The following ATP8A2 variants were observed in gnomAD, a reference collection of about 807,000 sequenced individuals.
ATP8A2 encodes the protein phospholipid-transporting ATPase IB.
ATP8A2 carries 100 observed loss-of-function variants against 165.6 expected under a neutral mutation model. The ratio of observed to expected loss-of-function variants is 0.60; its 90% CI spans 0.51 to 0.71. The LOEUF is 0.71. Among genes scored for constraint, ATP8A2 ranks in the 30% least tolerant of loss-of-function variants. The probability of loss-of-function intolerance (pLI) is 0.00; values close to 1 mark genes in which losing one functional copy is unlikely to be tolerated. For synonymous variants in ATP8A2, 543 were observed against 548.8 expected (o/e 0.99, Z 0.15); for missense variants, 1,227 against 1,479.5 (o/e 0.83, Z 2.80).
intron 25 of ATP8A2, among the ~76,000 whole-genome samples, chr13:25,728,933 C>A (rs1253053325): frequency 6.6e-6 from 1 of 152,140 alleles, no homozygotes; most frequent in Non-Finnish European, 1.5e-5. Flanking sequence ...ACTCTGAAAA[C>A]CCTGTTTTTC....
At chr13:25,430,648 A>G (rs1035052365) in intron 1 of ATP8A2, among the ~76,000 whole-genome samples, 2 of 152,032 alleles carry the variant, frequency 1.3e-5, no homozygotes, top group African/African-American at 2.4e-5. Context: ...TGTTGCCCAG[A>G]CTGAAGTGGC....
intron 25 of ATP8A2, among the ~76,000 whole-genome samples, chr13:25,722,819 G>A (rs77762690): frequency 1.3e-5 from 2 of 152,128 alleles, no homozygotes; most frequent in African/African-American, 4.8e-5. Context: ...ATCCCACAAA[G>A]GTAACTAATT....
chr13:25,444,837 G>C (rs2138211745), intron 1 of ATP8A2, among the ~76,000 whole-genome samples: 1 of 152,030 alleles, frequency 6.6e-6, no homozygotes, highest in Admixed American at 6.6e-5. Context: ...GTTAAGATGG[G>C]GTTTCACCAT....
intron 1 of ATP8A2, among the ~76,000 whole-genome samples, chr13:25,397,249 A>G (rs2033459768): frequency 6.6e-6 from 1 of 152,228 alleles, no homozygotes. Context: ...GTTGTCCTAT[A>G]GCACCTTAGA....
At chr13:25,961,687 A>AC (rs1333594993) in intron 34 of ATP8A2, 24 bp downstream of exon 34, 12 of 1,561,428 alleles carry the variant, frequency 7.7e-6, no homozygotes, top group Non-Finnish European at 1.1e-5. Flanking sequence ...TGAAGCGGGG[A>AC]CCCTAAGTCT....
chr13:25,390,390 G>A (rs188788026), intron 1 of ATP8A2, among the ~76,000 whole-genome samples: 10 of 152,156 alleles, frequency 6.6e-5, no homozygotes, highest in Non-Finnish European at 8.8e-5. Context: ...TAGTGTATGG[G>A]TGTATAATGT....
chr13:25,874,279 G>A (rs1420582271), intron 33 of ATP8A2, among the ~76,000 whole-genome samples: 8 of 152,154 alleles, frequency 5.3e-5, no homozygotes, highest in Non-Finnish European at 8.8e-5. Flanking sequence ...CCTACAGGGC[G>A]TTTGTGCCTG....
At chr13:25,972,348 T>TA (rs1025255771) in intron 35 of ATP8A2, among the ~76,000 whole-genome samples, 12 of 152,234 alleles carry the variant, frequency 7.9e-5, no homozygotes, top group African/African-American at 2.9e-4. Context: ...GTGGAATTGA[T>TA]ACTTTAATAA....
chr13:25,531,345 G>GATATATATATGTTATATATGAT (rs71186891), intron 4 of ATP8A2, among the ~76,000 whole-genome samples: 1 of 122,512 alleles, frequency 8.2e-6, no homozygotes. Flanking sequence ...TGTTATATAT[G>GATATATATATGTTATATATGAT]ATATATATGT....
intron 24 of ATP8A2, among the ~76,000 whole-genome samples, chr13:25,624,227 C>T (rs559559917): frequency 6.6e-6 from 1 of 152,258 alleles, no homozygotes; most frequent in East Asian, 1.9e-4. Flanking sequence ...TCTTTCCTTG[C>T]TGGTCTTACA....
chr13:25,802,827 C>G (rs535381388), intron 27 of ATP8A2, among the ~76,000 whole-genome samples: 47 of 152,232 alleles, frequency 3.1e-4, no homozygotes, highest in African/African-American at 1.1e-3. Flanking sequence ...TACTGCCTCA[C>G]TAGAGGTGCA....
At position 25,666,371 on chromosome 13, in the gene ATP8A2, G is replaced by A. The variant is rs191623920; in HGVS notation, c.2212-32802G>A. The stretch of plus-strand genomic sequence containing the variant: ...ACTACAGGCACCTGCCACAATGCCC[G>A]GCTAATTTTTTGTGTGTGTGTGTGT... On this transcript the variant is annotated intron_variant, in intron 24 of 36. Transcript: ENST00000381655. 2.6e-3 allele frequency among the ~76,000 whole-genome samples: 386 copies of A among 149,040 alleles called. 1 individual carries two copies. The highest frequency in any genetic ancestry group is 1.1e-3 in the Non-Finnish European group (78 of 67,928).
At chr13:26,017,390 G>A (rs1957002210) in intron 36 of ATP8A2, among the ~76,000 whole-genome samples, 1 of 152,218 alleles carries the variant, frequency 6.6e-6, no homozygotes, top group Non-Finnish European at 1.5e-5. Flanking sequence ...AGCAGACGAA[G>A]CAGTGTTATT....
chr13:25,789,845 G>T (rs949396075), intron 27 of ATP8A2, among the ~76,000 whole-genome samples: 1 of 152,204 alleles, frequency 6.6e-6, no homozygotes, highest in Non-Finnish European at 1.5e-5. Flanking sequence ...CAGGGCTACA[G>T]TAACCCAAAC....
Position 25,551,463 on chromosome 13 carries a change from C to G in ATP8A2, c.1017C>G (p.Asn339Lys). 6.2e-7 allele frequency: 1 copy of G among 1,613,696 alleles called. No individual in the cohort carries two copies. The highest frequency in any genetic ancestry group is 1.7e-5 in the Admixed American group (1 of 60,016). Reference sequence around the variant, plus strand: ...GCTCGGCGGGGGCCCTGTACTGGAACAGGTCTCATGGTGAAAAGAACTGGT... The same window carrying G: ...GCTCGGCGGGGGCCCTGTACTGGAAGAGGTCTCATGGTGAAAAGAACTGGT... ...LVSSAGALYWNRSHGEKNWYI... is the reference protein window; with the variant it reads ...LVSSAGALYWKRSHGEKNWYI... Residue 339 changes from asparagine to lysine, a missense_variant, in exon 11 of 37, where the codon AAC (asparagine) becomes AAG (lysine). Physicochemically the swap from Asn to Lys is moderately conservative, Grantham distance 94. Around this residue, in one of 5 missense-constraint regions of ATP8A2, gnomAD observed 592 missense variants for 785.6 expected, o/e 0.75. Transcript: ENST00000381655.
In ATP8A2 at chr13:25,857,570, CTT is replaced by C. The variant is rs71080207; in HGVS notation, c.2957-2605_2957-2604del. 5.1e-3 allele frequency among the ~76,000 whole-genome samples: 471 copies of C among 91,556 alleles called. 3 individuals are homozygous for C. Among genetic ancestry groups the C allele is most frequent in the African/African-American group, 0.017 (383 of 22,724 alleles). The allele number at this position is 91,556 out of a possible 152,430, so 60.1% of individuals were successfully genotyped here. A position where few individuals can be genotyped will look rare whatever the true frequency, so the allele number is the denominator to read the frequency against. On this transcript the variant is annotated intron_variant, in intron 30 of 36. Coordinates refer to ENST00000381655, the MANE Select transcript of ATP8A2 (RefSeq NM_016529.6). ...TGTTTCTTTTCTTTTCTTTTTTTTCCTTTTTTTTTTTTTTTTTTTTTGAGGCA... is the reference window on the plus strand; with the variant it reads ...TGTTTCTTTTCTTTTCTTTTTTTTCCTTTTTTTTTTTTTTTTTTTGAGGCA...
chr13:25,415,218 T>C (rs1244061485), intron 1 of ATP8A2, among the ~76,000 whole-genome samples: 1 of 152,234 alleles, frequency 6.6e-6, no homozygotes, highest in East Asian at 1.9e-4. Flanking sequence ...ACAGTTAGCA[T>C]ATCCTCCTCC....
chr13:25,928,897 A>G (rs1342589782), intron 33 of ATP8A2, among the ~76,000 whole-genome samples: 1 of 152,194 alleles, frequency 6.6e-6, no homozygotes, highest in African/African-American at 2.4e-5. Flanking sequence ...ACCTGACAGG[A>G]TGCCACGGGT....
intron 11 of ATP8A2, among the ~76,000 whole-genome samples, chr13:25,553,382 C>T (rs61948624): frequency 0.038 from 5,833 of 152,280 alleles, 140 homozygotes; most frequent in Non-Finnish European, 0.051. Flanking sequence ...CTTTCCAGCT[C>T]TTTGGAGTAT....
Sources: gnomAD v4.1 joint callset for allele counts (sites outside exome capture counted in the v4.1 genomes callset) on GRCh38, gnomAD v4.1.1 for gene constraint, gnomAD v4.1.1 regional missense constraint, MANE v1.5 for transcripts, NCBI Gene and HGNC (gene_info 2026-07-23, HGNC 2026-07-21) for gene names.